Variants in KCNG2 observed in about 807,000 individuals in gnomAD.
The protein encoded by KCNG2 is potassium voltage-gated channel modifier subfamily G member 2, also known as voltage-gated potassium channel regulatory subunit KCNG2.
A neutral mutation model predicts 12.3 loss-of-function variants in KCNG2; 7 were observed. That is an observed-to-expected ratio of 0.57 (90% CI 0.32 to 1.07). KCNG2 has a LOEUF of 1.07. Among genes scored for constraint, KCNG2 ranks in the 50% least tolerant of loss-of-function variants. The pLI, the probability that KCNG2 is intolerant of heterozygous loss-of-function variation, is 0.04. For synonymous variants in KCNG2, 414 were observed against 351.4 expected (o/e 1.18, Z -1.99); for missense variants, 703 against 726.0 (o/e 0.97, Z 0.36).
At chr18:79,865,726 GT>G (rs1979480380) in intron 3 of KCNG2, among the ~76,000 whole-genome samples, 1 of 133,444 alleles carries the variant, frequency 7.5e-6, no homozygotes, top group African/African-American at 2.7e-5. Context: ...TGAGAGGTCT[GT>G]GTTCTGAGGT....
intron 1 of KCNG2, among the ~76,000 whole-genome samples, chr18:79,809,262 C>T (rs1164545369): frequency 1.6e-5 from 1 of 63,838 alleles, no homozygotes; most frequent in Non-Finnish European, 2.9e-5. Flanking sequence ...CCAGAGTCCG[C>T]GCTCTGAGGA....
At chr18:79,891,247 T>C (rs1294701428) in intron 3 of KCNG2, among the ~76,000 whole-genome samples, 2 of 152,150 alleles carry the variant, frequency 1.3e-5, no homozygotes, top group Admixed American at 1.3e-4. Context: ...TATTTTTTTT[T>C]CAAGACAGGG....
chr18:79,864,301 G>A lies in KCNG2; in HGVS notation c.624+10G>A. 6.6e-7 allele frequency: 1 copy of A among 1,518,254 alleles called. No individual in the cohort carries two copies. The highest frequency in any genetic ancestry group is 8.8e-7 in the Non-Finnish European group (1 of 1,139,186). The allele number at this position is 1,518,254 out of a possible 1,614,324, so 94.0% of individuals were successfully genotyped here. A position where few individuals can be genotyped will look rare whatever the true frequency, so the allele number is the denominator to read the frequency against. ...CGCCGAGGAGGAGCGGGTGAGCGCG[G>A]CCGGGGGTGGCGGGGACCGGGCCGG... On this transcript the variant is annotated intron_variant, in intron 3 of 3. Transcript: ENST00000316249.
At chr18:79,813,879 A>G (rs1018446203) in intron 1 of KCNG2, among the ~76,000 whole-genome samples, 1 of 152,258 alleles carries the variant, frequency 6.6e-6, no homozygotes, top group Non-Finnish European at 1.5e-5. Flanking sequence ...TTTGGAATAT[A>G]TAAAGAACTC....
chr18:79,897,072 A>T (rs1981002045), intron 3 of KCNG2, among the ~76,000 whole-genome samples: 1 of 151,952 alleles, frequency 6.6e-6, no homozygotes, highest in South Asian at 2.1e-4. Context: ...CTCTGTGTTT[A>T]TCCTGCTGGG....
chr18:79,872,280 G>GTTTTTTTTT (rs1162742507), intron 3 of KCNG2, among the ~76,000 whole-genome samples: 1,170 of 73,370 alleles, frequency 0.016, 81 homozygotes, highest in East Asian at 0.023. Flanking sequence ...CAAAGCTTCA[G>GTTTTTTTTT]TTTTTTTTTT....
chr18:79,854,682 C>G (rs113757497), intron 1 of KCNG2, among the ~76,000 whole-genome samples: 42,681 of 151,954 alleles, frequency 0.28, 7,294 homozygotes, highest in South Asian at 0.51. Flanking sequence ...CCCACCACCA[C>G]GCCCGGCTAA....
At chr18:79,877,936 C>T (rs147829853) in intron 3 of KCNG2, among the ~76,000 whole-genome samples, 2 of 152,234 alleles carry the variant, frequency 1.3e-5, no homozygotes, top group South Asian at 2.1e-4. Flanking sequence ...CCTTGCCCAC[C>T]GGGCTGCATG....
chr18:79,870,272 C>T (rs1410139525), intron 3 of KCNG2, among the ~76,000 whole-genome samples: 4 of 152,228 alleles, frequency 2.6e-5, no homozygotes, highest in East Asian at 1.9e-4. Context: ...GCGGAATAAT[C>T]GGCAGGGAGC....
At chr18:79,887,682 T>C (rs569588673) in intron 3 of KCNG2, among the ~76,000 whole-genome samples, 281 of 152,216 alleles carry the variant, frequency 1.8e-3, no homozygotes, top group African/African-American at 6.4e-3. Flanking sequence ...TCAGAGCGCC[T>C]AGGCCCCTGA....
intron 3 of KCNG2, among the ~76,000 whole-genome samples, chr18:79,882,658 C>G (rs1177348260): frequency 6.6e-6 from 1 of 152,250 alleles, no homozygotes; most frequent in South Asian, 2.1e-4. Context: ...TAAAAACCAG[C>G]CGAGAGCAGC....
chr18:79,895,941 C>T (rs1388326870), intron 3 of KCNG2, among the ~76,000 whole-genome samples: 1 of 152,290 alleles, frequency 6.6e-6, no homozygotes, highest in East Asian at 1.9e-4. Context: ...TCTAATGGAG[C>T]ATTTTAATTC....
At chr18:79,867,370 C>T (rs2123081527) in intron 3 of KCNG2, among the ~76,000 whole-genome samples, 3 of 151,390 alleles carry the variant, frequency 2.0e-5, no homozygotes, top group Admixed American at 2.0e-4. Flanking sequence ...AAAAGCTTGC[C>T]AGCATGTGTC....
chr18:79,873,362 C>A (rs1047482326), intron 3 of KCNG2, among the ~76,000 whole-genome samples: 4 of 151,712 alleles, frequency 2.6e-5, no homozygotes, highest in African/African-American at 9.7e-5. Flanking sequence ...AGGCCTCCCC[C>A]ACACTCCCGT....
intron 3 of KCNG2, chr18:79,876,262 AG>A (rs1274497974): frequency 6.6e-6 from 1 of 152,368 alleles, no homozygotes; most frequent in Non-Finnish European, 1.5e-5. Context: ...ACTGCGGAAA[AG>A]CCCCACTAGG....
chr18:79,814,732 T>A (rs1188691047), intron 1 of KCNG2, among the ~76,000 whole-genome samples: 1 of 152,250 alleles, frequency 6.6e-6, no homozygotes, highest in Non-Finnish European at 1.5e-5. Context: ...TTCTTGCAAC[T>A]GCATGTTAAT....
rs1459610061 is a variant in KCNG2, at chr18:79,884,743, G to A, written c.625-14297G>A. Among the ~76,000 whole-genome samples, 1 of 152,220 alleles carries A rather than the reference G, an allele frequency of 6.6e-6. No individual in the cohort carries two copies. Among genetic ancestry groups the A allele is most frequent in the African/African-American group, 2.4e-5 (1 of 41,456 alleles). Reference sequence around the variant, plus strand: ...TGGGGAGCCACGGGGGCAGGGGTCCGCCCGGCTCTGTGTTCCTCGGGGGGG... The same window carrying A: ...TGGGGAGCCACGGGGGCAGGGGTCCACCCGGCTCTGTGTTCCTCGGGGGGG... On this transcript the variant is annotated intron_variant, in intron 3 of 3. Coordinates refer to ENST00000316249, the MANE Select transcript of KCNG2 (RefSeq NM_012283.2). This position sits in a 1 kb window ranked among gnomAD's most constrained non-coding sequence, Gnocchi z 5.5.
intron 3 of KCNG2, among the ~76,000 whole-genome samples, chr18:79,867,595 T>TTG (rs1568263466): frequency 1.2e-5 from 1 of 82,056 alleles, no homozygotes; most frequent in Non-Finnish European, 2.3e-5. Flanking sequence ...GTGTCGTGTC[T>TTG]GGGGGGGGAC....
rs1443306741 is a variant in KCNG2 at position 79,899,294 on chromosome 18, G to A, written c.879G>A (p.Leu293=). 1 of 1,569,188 alleles carries A rather than the reference G, an allele frequency of 6.4e-7. No homozygotes were observed. The highest frequency in any genetic ancestry group is 8.6e-7 in the Non-Finnish European group (1 of 1,166,586). ...TGGTGCTGCGGCTGCTGCGTGCGCT[G>A]CGCGTGCTCTACGTGATGCGCCTGG... ...AGLVLRLLRA[L]RVLYVMRLAR... Residue 293 remains leucine, a synonymous_variant, in exon 4 of 4, where the codon CTG becomes CTA. Transcript: ENST00000316249.
Sources: allele counts gnomAD v4.1 joint callset (sites outside exome capture counted in the v4.1 genomes callset), GRCh38; gene constraint gnomAD v4.1.1; non-coding constraint Gnocchi (gnomAD v3.1); transcripts MANE v1.5; gene names NCBI Gene and HGNC (gene_info 2026-07-23, HGNC 2026-07-21).